The following SLC30A6 variants were observed in gnomAD, a reference collection of about 807,000 sequenced individuals.
SLC30A6 encodes the protein solute carrier family 30 member 6, also known as zinc transporter 6.
Under a neutral mutation model 63.0 loss-of-function variants are expected in SLC30A6, and 55 were observed. The ratio of observed to expected loss-of-function variants is 0.87; its 90% CI spans 0.70 to 1.09. SLC30A6 has a LOEUF of 1.09. Ranked by LOEUF, SLC30A6 falls within the 50% of genes least tolerant of loss-of-function variation. The pLI is 0.00. For missense variants in SLC30A6, 587 were observed against 549.2 expected (o/e 1.07, Z -0.69); for synonymous variants, 224 against 186.1 (o/e 1.20, Z -1.66).
chr2:32,199,358 A>G (rs1684066763), intron 10 of SLC30A6, among the ~76,000 whole-genome samples: 1 of 152,228 alleles, frequency 6.6e-6, no homozygotes, highest in South Asian at 2.1e-4. Context: ...GTATATACCC[A>G]GAAGTGAAAT....
chr2:32,201,393 T>G (rs1684281924), intron 10 of SLC30A6, among the ~76,000 whole-genome samples: 2 of 152,240 alleles, frequency 1.3e-5, no homozygotes, highest in Non-Finnish European at 1.5e-5. Flanking sequence ...CTGGGGAATT[T>G]GAAGTCTTAT....
intron 13 of SLC30A6, among the ~76,000 whole-genome samples, chr2:32,217,577 TA>T (rs756250417): frequency 2.9e-4 from 44 of 152,328 alleles, no homozygotes; most frequent in Middle Eastern, 3.4e-3. Flanking sequence ...TATTTTAAAA[TA>T]TTTTTTTCTA....
At chr2:32,183,166 G>A (rs867296449) in intron 4 of SLC30A6, among the ~76,000 whole-genome samples, 16 of 151,410 alleles carry the variant, frequency 1.1e-4, no homozygotes, top group African/African-American at 2.7e-4. Context: ...CAGCCTGGGC[G>A]ATAGAGTGAG....
chr2:32,196,090 G>A (rs146978809), intron 8 of SLC30A6, among the ~76,000 whole-genome samples: 3 of 152,024 alleles, frequency 2.0e-5, no homozygotes, highest in Non-Finnish European at 2.9e-5. Context: ...CAAGTCAGGC[G>A]GATCACAAGG....
chr2:32,204,019 C>A, intron 10 of SLC30A6: 2 of 674,054 alleles, frequency 3.0e-6, no homozygotes, highest in Non-Finnish European at 5.3e-6. Context: ...AGTTAATCTA[C>A]CAGTATGAGG....
intron 1 of SLC30A6, among the ~76,000 whole-genome samples, chr2:32,171,020 C>G (rs980327389): frequency 6.6e-6 from 1 of 152,088 alleles, no homozygotes; most frequent in East Asian, 1.9e-4. Flanking sequence ...TGGTCTGGAG[C>G]TAAAAAGCCT....
intron 4 of SLC30A6, among the ~76,000 whole-genome samples, chr2:32,183,451 G>A (rs1682522619): frequency 6.6e-6 from 1 of 151,904 alleles, no homozygotes; most frequent in South Asian, 2.1e-4. Context: ...GGTGGCCAAG[G>A]CAGGTGGATC....
chr2:32,206,647 G>C (rs1422331513), intron 11 of SLC30A6, among the ~76,000 whole-genome samples: 6 of 152,050 alleles, frequency 3.9e-5, no homozygotes, highest in South Asian at 2.1e-4. Context: ...TGGTTGGTTG[G>C]TTGTTTAAGT....
intron 10 of SLC30A6, chr2:32,202,102 C>A: frequency 1.3e-6 from 1 of 756,458 alleles, no homozygotes; most frequent in Non-Finnish European, 2.2e-6. Context: ...GACCTTAACA[C>A]ATGAACAGAA....
At chr2:32,182,101 T>C (rs549488804) in intron 4 of SLC30A6, among the ~76,000 whole-genome samples, 37 of 151,686 alleles carry the variant, frequency 2.4e-4, no homozygotes, top group African/African-American at 8.7e-4. Flanking sequence ...ACCTGGCTAA[T>C]TTTTGTGTAT....
chr2:32,179,642 A>G (rs953141551), intron 4 of SLC30A6, among the ~76,000 whole-genome samples: 1 of 152,174 alleles, frequency 6.6e-6, no homozygotes, highest in African/African-American at 2.4e-5. Context: ...AAATCAAAGC[A>G]TTTTATGGTT....
intron 13 of SLC30A6, among the ~76,000 whole-genome samples, chr2:32,211,173 A>G (rs907519108): frequency 1.3e-5 from 2 of 152,322 alleles, no homozygotes; most frequent in East Asian, 1.9e-4. Context: ...ACTGTACACC[A>G]TGGCTTTGGC....
At chr2:32,218,473 T>C (rs1016254025) in intron 13 of SLC30A6, among the ~76,000 whole-genome samples, 4 of 151,012 alleles carry the variant, frequency 2.6e-5, no homozygotes, top group African/African-American at 9.8e-5. Flanking sequence ...GATATATCTG[T>C]CTGTCCCTCT....
rs1335914941 is a variant in SLC30A6 at position 32,203,990 on chromosome 2, G to T, written c.666-600G>T. 5 of 724,810 alleles carry T rather than the reference G, an allele frequency of 6.9e-6. No individual in the cohort carries two copies. In the East Asian group the frequency reaches 1.3e-4, roughly 18 times the overall value. 44.9% of individuals were successfully genotyped at this position (724,810 alleles called of 1,614,324 possible). On this transcript the variant is annotated intron_variant, in intron 10 of 13. Transcript: ENST00000282587. ...CGATCAAGAAGTGGGAGCCACAAAC[G>T]GAGTTTTGACTATTTGATAGTTAAT...
chr2:32,167,749 G>T (rs1027403388), intron 1 of SLC30A6, among the ~76,000 whole-genome samples: 1 of 152,098 alleles, frequency 6.6e-6, no homozygotes, highest in African/African-American at 2.4e-5. Context: ...CTATAATACT[G>T]ATGATTTGAA....
intron 5 of SLC30A6, among the ~76,000 whole-genome samples, chr2:32,190,572 T>C (rs982665051): frequency 1.3e-5 from 2 of 152,212 alleles, no homozygotes; most frequent in African/African-American, 4.8e-5. Context: ...TGTTCTGTTA[T>C]CACCTAGAAG....
chr2:32,201,659 C>A, intron 10 of SLC30A6: 1 of 1,509,538 alleles, frequency 6.6e-7, no homozygotes, highest in Non-Finnish European at 9.0e-7. Context: ...TGGAGGAGTC[C>A]GAGAGCCAGA....
At chr2:32,174,548 A>ATTTTTTTT (rs11432136) in intron 3 of SLC30A6, among the ~76,000 whole-genome samples, 32 of 92,302 alleles carry the variant, frequency 3.5e-4, no homozygotes, top group African/African-American at 5.9e-4. Context: ...CTATCTGGAG[A>ATTTTTTTT]TTTTTTTTTT....
chr2:32,195,613 C>G (rs1161352816), intron 8 of SLC30A6, among the ~76,000 whole-genome samples: 4 of 151,058 alleles, frequency 2.6e-5, no homozygotes, highest in Non-Finnish European at 5.9e-5. Flanking sequence ...ATTAAAAATA[C>G]AGTATTTTTC....
Sources: allele counts gnomAD v4.1 joint callset (sites outside exome capture counted in the v4.1 genomes callset), GRCh38; gene constraint gnomAD v4.1.1; transcripts MANE v1.5; gene names NCBI Gene and HGNC (gene_info 2026-07-23, HGNC 2026-07-21).